The following TMEM60 variants were observed in gnomAD, a reference collection of about 807,000 sequenced individuals.
TMEM60 encodes transmembrane protein 60.
TMEM60 carries 4 observed loss-of-function variants against 10.7 expected under a neutral mutation model. The observed-to-expected ratio is 0.37, with a 90% CI of 0.18 to 0.86. The LOEUF (loss-of-function observed/expected upper bound fraction) is 0.86, where lower values mean the gene tolerates loss of function less well. Ranked by LOEUF, TMEM60 falls within the 40% of genes least tolerant of loss-of-function variation. The pLI is 0.43. For synonymous variants in TMEM60, 56 were observed against 58.1 expected (o/e 0.96, Z 0.17); for missense variants, 128 against 153.4 (o/e 0.83, Z 0.88).
chr7:77,795,149 G>A (rs1305427021), intron 1 of TMEM60, among the ~76,000 whole-genome samples: 1 of 151,914 alleles, frequency 6.6e-6, no homozygotes. Context: ...AAAAGAGTGA[G>A]ATGCTGTCTC....
rs916106384 is a variant in TMEM60, at chr7:77,796,298, T to C, written c.-50-1875A>G. Among the ~76,000 whole-genome samples the C allele has an allele frequency of 2.0e-5, 3 of 152,230 alleles. No individual in the cohort carries two copies. In the South Asian group the frequency reaches 6.2e-4, roughly 31 times the overall value. ...TTTTCAATGCTAAATTTGCTGATTCTTGAAAACCTAGAATTTTGATTATGA... is the reference window on the plus strand; with the variant it reads ...TTTTCAATGCTAAATTTGCTGATTCCTGAAAACCTAGAATTTTGATTATGA... On this transcript the variant is annotated intron_variant, in intron 1 of 1. Transcript: ENST00000257663.
Position 77,793,786 on chromosome 7 carries a change from G to T in TMEM60, c.*186C>A. 1 of 582,168 alleles carries T rather than the reference G, an allele frequency of 1.7e-6. No individual in the cohort carries two copies. The highest frequency in any genetic ancestry group is 2.8e-6 in the Non-Finnish European group (1 of 360,842). 36.1% of individuals were successfully genotyped at this position (582,168 alleles called of 1,614,324 possible). The stretch of plus-strand genomic sequence containing the variant: ...TAATAAGGATCTCAATAACTCAAAT[G>T]CTGAATAATTAAGCTGTAGGTTGAC... On this transcript the variant is annotated 3_prime_UTR_variant, in exon 2 of 2. Transcript: ENST00000257663.
chr7:77,794,092 G>C lies in TMEM60; in HGVS notation c.282C>G (p.Leu94=), dbSNP rs768407376. The change falls in exon 2 of 2, where the codon CTC becomes CTG. Residue 94 remains leucine, a synonymous_variant. Transcript: ENST00000257663. The part of the protein sequence containing the change: ...MLLKLAFCLA[L]CAKLEQFTTM... ...TAGTAAACTGTTCCAGTTTAGCACAGAGTGCGAGGCAGAAGGCTAATTTAA... is the reference window on the plus strand; with the variant it reads ...TAGTAAACTGTTCCAGTTTAGCACACAGTGCGAGGCAGAAGGCTAATTTAA... 12 of 1,614,166 alleles carry C rather than the reference G, an allele frequency of 7.4e-6. No individual in the cohort carries two copies. Among genetic ancestry groups the C allele is most frequent in the Non-Finnish European group, 9.3e-6 (11 of 1,180,030 alleles).
At chr7:77,794,563 C>CTT (rs1385965264) in intron 1 of TMEM60, 140 bp from the exon 2 acceptor site, 1 of 548,736 alleles carries the variant, frequency 1.8e-6, no homozygotes, top group African/African-American at 2.0e-5. Flanking sequence ...TTCAAATCCT[C>CTT]TAAAACTTAG....
chr7:77,797,528 G>A (rs1033240316), intron 1 of TMEM60, among the ~76,000 whole-genome samples: 4 of 152,150 alleles, frequency 2.6e-5, no homozygotes, highest in African/African-American at 4.8e-5. Flanking sequence ...TTACATTTAC[G>A]TCTTCATCAA....
Position 77,794,008 on chromosome 7 carries a change from T to C in TMEM60, c.366A>G (p.Thr122=), listed in dbSNP as rs1185518898. Residue 122 remains threonine (T), a synonymous_variant, in exon 2 of 2, where the codon ACA becomes ACG. Coordinates refer to ENST00000257663, the MANE Select transcript of TMEM60 (RefSeq NM_032936.4). The stretch of plus-strand genomic sequence containing the variant: ...CAAAAAAGACATTATATCCGAGTTC[T>C]GTTAAAGCCCCAGCCAGCAAGGCCC... ...PLWALLAGAL[T]ELGYNVFFVR... is the part of the protein sequence containing the mutation. 1 of 1,588,420 alleles carries C rather than the reference T, an allele frequency of 6.3e-7. No individual in the cohort carries two copies. Among genetic ancestry groups the C allele is most frequent in the Admixed American group, 1.9e-5 (1 of 52,642 alleles).
chr7:77,797,563 C>T (rs1199852450), intron 1 of TMEM60, among the ~76,000 whole-genome samples: 2 of 152,206 alleles, frequency 1.3e-5, no homozygotes, highest in Non-Finnish European at 2.9e-5. Flanking sequence ...ATGTTTCCTA[C>T]TATTCTCTCC....
intron 1 of TMEM60, 101 bp from the exon 2 acceptor site, chr7:77,794,524 A>G (rs1584314621): frequency 6.9e-6 from 5 of 722,598 alleles, no homozygotes; most frequent in Non-Finnish European, 1.0e-5. Context: ...CTGACTTCCT[A>G]ATTTTGAAAA....
chr7:77,795,539 T>G (rs1451719344), intron 1 of TMEM60, among the ~76,000 whole-genome samples: 1 of 152,070 alleles, frequency 6.6e-6, no homozygotes, highest in Non-Finnish European at 1.5e-5. Context: ...GTAAAGAGGT[T>G]GTTGGGCTAT....
At chr7:77,795,421 A>G in intron 1 of TMEM60, among the ~76,000 whole-genome samples, 1 of 151,970 alleles carries the variant, frequency 6.6e-6, no homozygotes, top group East Asian at 1.9e-4. Context: ...GCGAGGCTGA[A>G]GTGGGAGAAT....
intron 1 of TMEM60, among the ~76,000 whole-genome samples, chr7:77,795,434 C>T (rs1312386218): frequency 1.3e-5 from 2 of 151,964 alleles, no homozygotes; most frequent in Non-Finnish European, 2.9e-5. Context: ...GGGAGAATCA[C>T]CTGAACCCGG....
In TMEM60 at chr7:77,794,174, G is replaced by C; in HGVS notation, c.200C>G (p.Pro67Arg). 1.9e-6 allele frequency: 3 copies of C among 1,613,228 alleles called. No homozygotes were observed. The South Asian group carries it at 3.3e-5, about 18-fold the overall frequency. Residue 67 changes from proline (P) to arginine (R), a missense_variant, in exon 2 of 2, where the codon CCT (proline) becomes CGT (arginine). By Grantham distance (103) the Pro-to-Arg change is moderately radical. Transcript: ENST00000257663. The stretch of plus-strand genomic sequence containing the variant: ...TTTAATATTGTGTGATCCATGTCGA[G>C]GGTCAAAGCCAGACTTACACCGCCC... ...MAGRCKSGFD[P>R]RHGSHNIKKK...
chr7:77,794,528 T>C (rs1792148060), intron 1 of TMEM60, 105 bp from the exon 2 acceptor site: 1 of 683,576 alleles, frequency 1.5e-6, no homozygotes, highest in Non-Finnish European at 2.2e-6. Context: ...CTTCCTAATT[T>C]TGAAAACATT....
At chr7:77,797,018 A>T (rs1424986378) in intron 1 of TMEM60, among the ~76,000 whole-genome samples, 4 of 152,152 alleles carry the variant, frequency 2.6e-5, no homozygotes, top group Non-Finnish European at 5.9e-5. Context: ...ATACTGCAGT[A>T]ATTTTGCTTC....
At chr7:77,795,352 T>TGGG (rs1425322755) in intron 1 of TMEM60, among the ~76,000 whole-genome samples, 6 of 152,068 alleles carry the variant, frequency 3.9e-5, no homozygotes, top group African/African-American at 1.2e-4. Flanking sequence ...AAACCCCGTC[T>TGGG]CTACTAAAAA....
At position 77,794,156 on chromosome 7, in the gene TMEM60, T is replaced by C. The variant is rs1426665967; in HGVS notation, c.218A>G (p.Asn73Ser). The C allele has an allele frequency of 6.2e-7, 1 of 1,613,228 alleles. No homozygotes were observed. Among genetic ancestry groups the C allele is most frequent in the East Asian group, 2.2e-5 (1 of 44,868 alleles). ...GAGGTACCAGGCTTTTTTTTTAATA[T>C]TGTGTGATCCATGTCGAGGGTCAAA... ...SGFDPRHGSHNIKKKAWYLIA... is the reference protein window; with the variant it reads ...SGFDPRHGSHSIKKKAWYLIA... Residue 73 changes from asparagine (N) to serine (S), a missense_variant, in exon 2 of 2, where the codon AAT becomes AGT. By Grantham distance (46) the Asn-to-Ser change is conservative (BLOSUM62 1). Coordinates refer to ENST00000257663, the MANE Select transcript of TMEM60 (RefSeq NM_032936.4).
At chr7:77,796,121 A>C (rs1271087085) in intron 1 of TMEM60, among the ~76,000 whole-genome samples, 1 of 152,068 alleles carries the variant, frequency 6.6e-6, no homozygotes, top group Admixed American at 6.6e-5. Context: ...TATTTTTAGT[A>C]GAGATGGGGT....
At position 77,794,359 on chromosome 7, in the gene TMEM60, C is replaced by T. The variant is rs1157234362; in HGVS notation, c.15G>A (p.Leu5=). Residue 5 remains leucine, a synonymous_variant, in exon 2 of 2, where the codon TTG becomes TTA. Coordinates refer to ENST00000257663, the MANE Select transcript of TMEM60 (RefSeq NM_032936.4). The part of the protein sequence containing the change: MRMS[L]AQRVLLTWLF... Reference sequence around the variant, plus strand: ...GCCAGGTGAGTAGTACTCTCTGAGCCAAGGACATTCTCATTTAAACAGTTT... The same window carrying T: ...GCCAGGTGAGTAGTACTCTCTGAGCTAAGGACATTCTCATTTAAACAGTTT... The T allele has an allele frequency of 2.5e-6, 4 of 1,571,738 alleles. No individual in the cohort carries two copies.
chr7:77,795,514 TAA>T (rs11286354), intron 1 of TMEM60, among the ~76,000 whole-genome samples: 1 of 150,482 alleles, frequency 6.6e-6, no homozygotes, highest in Non-Finnish European at 1.5e-5. Context: ...GACCACTGTC[TAA>T]AAAAAAAAGA....
Sources: gnomAD v4.1 joint callset for allele counts (sites outside exome capture counted in the v4.1 genomes callset) on GRCh38, gnomAD v4.1.1 for gene constraint, MANE v1.5 for transcripts, NCBI Gene and HGNC (gene_info 2026-07-23, HGNC 2026-07-21) for gene names.